The following THAP6 variants were observed in gnomAD, a reference collection of about 807,000 sequenced individuals.
THAP6 encodes THAP domain containing 6.
In THAP6, 13 loss-of-function variants were observed where a neutral mutation model predicts 20.0. The observed-to-expected ratio is 0.65, with a 90% confidence interval of 0.42 to 1.03. The LOEUF (loss-of-function observed/expected upper bound fraction) is 1.03, where lower values mean the gene tolerates loss of function less well. Ranked by LOEUF, THAP6 falls within the 50% of genes least tolerant of loss-of-function variation. THAP6 has a pLI of 0.00. For synonymous variants in THAP6, 93 were observed against 92.2 expected (o/e 1.01, Z -0.05); for missense variants, 262 against 261.6 (o/e 1.00, Z -0.01).
At chr4:75,523,943 A>G (rs775997242) in intron 4 of THAP6, among the ~76,000 whole-genome samples, 2 of 151,918 alleles carry the variant, frequency 1.3e-5, no homozygotes, top group African/African-American at 2.4e-5. Flanking sequence ...ATTTTTGTAT[A>G]TTGTAAGAAG....
At chr4:75,514,375 C>G (rs567142194), upstream of THAP6, 26 of 1,415,874 alleles carry the variant, frequency 1.8e-5, no homozygotes, top group Non-Finnish European at 2.2e-5. Context: ...CACACCCCTC[C>G]CAGCCCCAGC....
chr4:75,530,727 A>G (rs1163756352), downstream of THAP6, among the ~76,000 whole-genome samples: 1 of 152,180 alleles, frequency 6.6e-6, no homozygotes, highest in Non-Finnish European at 1.5e-5. Context: ...AGGGATGGAA[A>G]ACCATGCACC....
At chr4:75,533,756 T>A (rs1167551184), downstream of THAP6, among the ~76,000 whole-genome samples, 7 of 151,530 alleles carry the variant, frequency 4.6e-5, no homozygotes, top group Non-Finnish European at 1.0e-4. Context: ...TTTTTTTCCT[T>A]TTTTTCAAAT....
At chr4:75,521,417 C>T (rs1490171843) in intron 3 of THAP6, among the ~76,000 whole-genome samples, 1 of 151,996 alleles carries the variant, frequency 6.6e-6, no homozygotes, top group African/African-American at 2.4e-5. Flanking sequence ...CATCTATCTA[C>T]TTGATGATCT....
At chr4:75,520,927 A>G (rs1313341874) in intron 3 of THAP6, among the ~76,000 whole-genome samples, 4 of 152,096 alleles carry the variant, frequency 2.6e-5, no homozygotes, top group African/African-American at 4.8e-5. Flanking sequence ...TTTATTGGAT[A>G]TTTGTATTCT....
At chr4:75,524,440 C>T (rs1726237494) in intron 4 of THAP6, among the ~76,000 whole-genome samples, 1 of 152,170 alleles carries the variant, frequency 6.6e-6, no homozygotes, top group Admixed American at 6.5e-5. Context: ...CACCTGTTAT[C>T]ATTTTGCCTA....
downstream of THAP6, among the ~76,000 whole-genome samples, chr4:75,530,511 AG>A (rs1726647577): frequency 6.6e-6 from 1 of 152,228 alleles, no homozygotes; most frequent in Non-Finnish European, 1.5e-5. Context: ...TGCTTTATCA[AG>A]GCCTCCAATT....
chr4:75,521,054 T>C (rs776509935), intron 3 of THAP6, among the ~76,000 whole-genome samples: 1 of 152,124 alleles, frequency 6.6e-6, no homozygotes, highest in Non-Finnish European at 1.5e-5. Context: ...AGTTCCTTTT[T>C]TTTCTCCCCT....
chr4:75,541,939 AG>A (rs1727016389), intron 2 of THAP6, among the ~76,000 whole-genome samples: 2 of 151,310 alleles, frequency 1.3e-5, no homozygotes, highest in African/African-American at 4.9e-5. Flanking sequence ...CCTGGGCAAC[AG>A]AGCAAGACTG....
chr4:75,535,686 A>T (rs372805214), intron 2 of THAP6, among the ~76,000 whole-genome samples: 7 of 152,254 alleles, frequency 4.6e-5, no homozygotes, highest in African/African-American at 1.7e-4. Flanking sequence ...TATTAACCAT[A>T]GTTAATATAA....
chr4:75,517,459 AT>A (rs1000407828), intron 3 of THAP6: 3 of 153,160 alleles, frequency 2.0e-5, no homozygotes, highest in African/African-American at 4.8e-5. Flanking sequence ...TAGTAGGAGT[AT>A]TTTACCAGTA....
intron 2 of THAP6, among the ~76,000 whole-genome samples, chr4:75,540,942 A>G (rs1726985599): frequency 6.6e-6 from 1 of 152,180 alleles, no homozygotes; most frequent in South Asian, 2.1e-4. Flanking sequence ...GAGATGTACA[A>G]TTCAAGTTTC....
chr4:75,530,136 T>C, downstream of THAP6: 3 of 935,290 alleles, frequency 3.2e-6, no homozygotes, highest in Non-Finnish European at 3.8e-6. Context: ...ATAACTCTAA[T>C]ATGGGGTCTG....
At chr4:75,539,054 A>G (rs889827102) in intron 2 of THAP6, among the ~76,000 whole-genome samples, 2 of 152,204 alleles carry the variant, frequency 1.3e-5, no homozygotes, top group Non-Finnish European at 2.9e-5. Flanking sequence ...TGGAGAAACA[A>G]CATAGATTCA....
intron 1 of THAP6, chr4:75,514,741 T>C (rs898392198): frequency 1.9e-5 from 3 of 160,226 alleles, no homozygotes; most frequent in Admixed American, 6.1e-5. Flanking sequence ...GGCCCTGGGC[T>C]CAGCGGGTCC....
chr4:75,523,077 G>T (rs1360747130), intron 4 of THAP6, among the ~76,000 whole-genome samples: 1 of 152,140 alleles, frequency 6.6e-6, no homozygotes, highest in Non-Finnish European at 1.5e-5. Flanking sequence ...AGTGTACAGG[G>T]TTCCTTTTTC....
chr4:75,533,490 G>A (rs1726750254), downstream of THAP6, among the ~76,000 whole-genome samples: 1 of 152,082 alleles, frequency 6.6e-6, no homozygotes, highest in South Asian at 2.1e-4. Flanking sequence ...TTCCAAGCTT[G>A]CTTCCACATT....
At chr4:75,539,968 T>G in intron 2 of THAP6, 1 of 1,534,616 alleles carries the variant, frequency 6.5e-7, no homozygotes, top group Non-Finnish European at 8.7e-7. Context: ...AGGTAGGCTA[T>G]TTGTGCCTTA....
downstream of THAP6, among the ~76,000 whole-genome samples, chr4:75,532,666 A>C (rs1473479061): frequency 6.6e-6 from 1 of 152,162 alleles, no homozygotes; most frequent in Non-Finnish European, 1.5e-5. Flanking sequence ...ATTTCCATAC[A>C]TCTGAAATTT....
Sources: gnomAD v4.1 joint callset for allele counts (sites outside exome capture counted in the v4.1 genomes callset) on GRCh38, gnomAD v4.1.1 for gene constraint, MANE v1.5 for transcripts, NCBI Gene and HGNC (gene_info 2026-07-23, HGNC 2026-07-21) for gene names.